Variants in ADAMTSL1 observed in about 807,000 individuals in gnomAD.
The protein encoded by ADAMTSL1 is ADAMTS like 1.
In ADAMTSL1, 126 loss-of-function variants were observed where a neutral mutation model predicts 201.8. The ratio of observed to expected loss-of-function variants is 0.62; its 90% confidence interval spans 0.54 to 0.72. The LOEUF (loss-of-function observed/expected upper bound fraction) is 0.72. Ranked by LOEUF, ADAMTSL1 falls within the 30% of genes least tolerant of loss-of-function variation. The pLI, the probability that ADAMTSL1 is intolerant of heterozygous loss-of-function variation, is 0.00. For missense variants in ADAMTSL1, 2,679 were observed against 2,277.8 expected, an observed-to-expected ratio of 1.18 and a Z score of -3.59; for synonymous variants, 1,121 against 903.4, an observed-to-expected ratio of 1.24 and a Z score of -4.32.
At chr9:18,242,459 G>A (rs1831108199) in intron 2 of ADAMTSL1, among the ~76,000 whole-genome samples, 1 of 152,086 alleles carries the variant, frequency 6.6e-6, no homozygotes, top group Admixed American at 6.5e-5. Context: ...ATGAAGCCAG[G>A]TTGTCTACTC....
chr9:18,679,560 A>C (rs118043767), intron 10 of ADAMTSL1, among the ~76,000 whole-genome samples: 1 of 152,176 alleles, frequency 6.6e-6, no homozygotes, highest in Admixed American at 6.5e-5. Context: ...TTACTTAACT[A>C]TATGTCTACT....
chr9:17,989,794 T>G (rs1819077283), intron 1 of ADAMTSL1, among the ~76,000 whole-genome samples: 1 of 151,978 alleles, frequency 6.6e-6, no homozygotes, highest in South Asian at 2.1e-4. Context: ...GACATTGACA[T>G]TTTAAGCCTT....
chr9:18,079,881 G>T (rs1823412464), intron 1 of ADAMTSL1, among the ~76,000 whole-genome samples: 1 of 152,204 alleles, frequency 6.6e-6, no homozygotes, highest in Non-Finnish European at 1.5e-5. Context: ...CAGAATCCCA[G>T]CTGGACAAAA....
intron 1 of ADAMTSL1, among the ~76,000 whole-genome samples, chr9:18,083,457 T>G (rs529654704): frequency 6.6e-6 from 1 of 152,360 alleles, no homozygotes; most frequent in East Asian, 1.9e-4. Flanking sequence ...CATGATTGAC[T>G]GTGGCATACA....
Position 17,943,401 on chromosome 9 carries a change from T to C in ADAMTSL1, c.87+36479T>C, listed in dbSNP as rs185457368. Among the ~76,000 whole-genome samples, 5 of 152,280 alleles carry C rather than the reference T, an allele frequency of 3.3e-5. No individual in the cohort carries two copies. The East Asian group carries it at 7.7e-4, about 24-fold the overall frequency. On this transcript the variant is annotated intron_variant, in intron 1 of 29. Transcript: ENST00000680146. ...AGAAGTATTGCTATTGGTTTTGAGA[T>C]GGGGTAAAGATCATTCTCACCTTAT...
At chr9:18,405,842 C>A (rs376984590) in intron 2 of ADAMTSL1, among the ~76,000 whole-genome samples, 1 of 152,024 alleles carries the variant, frequency 6.6e-6, no homozygotes, top group Non-Finnish European at 1.5e-5. Context: ...TTCACCTGAC[C>A]ATTTCATGGC....
intron 2 of ADAMTSL1, among the ~76,000 whole-genome samples, chr9:18,428,007 T>C (rs1819302697): frequency 6.6e-6 from 1 of 152,188 alleles, no homozygotes; most frequent in Non-Finnish European, 1.5e-5. Flanking sequence ...TGTCAGGCAG[T>C]TTGCCACCCT....
chr9:18,381,238 G>A (rs1057228268), intron 2 of ADAMTSL1, among the ~76,000 whole-genome samples: 2 of 152,126 alleles, frequency 1.3e-5, no homozygotes, highest in African/African-American at 4.8e-5. Flanking sequence ...TTTCCCTCAT[G>A]TTTAAAGTTT....
chr9:18,776,015 C>T, intron 18 of ADAMTSL1, 119 bp downstream of exon 18: 1 of 1,320,816 alleles, frequency 7.6e-7, no homozygotes, highest in Non-Finnish European at 1.0e-6. Flanking sequence ...ACAGTAGAAC[C>T]CCATGGAGGG....
intron 3 of ADAMTSL1, among the ~76,000 whole-genome samples, chr9:18,545,828 T>C (rs965638658): frequency 6.6e-6 from 1 of 152,210 alleles, no homozygotes; most frequent in Non-Finnish European, 1.5e-5. Context: ...CCCTACGGAA[T>C]GAAACCAAAT....
chr9:18,117,434 C>G (rs1002082596), intron 1 of ADAMTSL1, among the ~76,000 whole-genome samples: 2 of 152,248 alleles, frequency 1.3e-5, no homozygotes, highest in African/African-American at 2.4e-5. Flanking sequence ...CCTCAGAGCC[C>G]TTGCATTAGC....
chr9:18,213,088 T>C (rs1474413519), intron 2 of ADAMTSL1, among the ~76,000 whole-genome samples: 1 of 152,206 alleles, frequency 6.6e-6, no homozygotes, highest in Non-Finnish European at 1.5e-5. Flanking sequence ...GCAGAAATTC[T>C]CATGAACGCT....
At chr9:18,046,135 C>T (rs1246268584) in intron 1 of ADAMTSL1, among the ~76,000 whole-genome samples, 1 of 151,982 alleles carries the variant, frequency 6.6e-6, no homozygotes, top group Admixed American at 6.6e-5. Context: ...CAAGTTGAGG[C>T]TAAATTGTGA....
chr9:18,903,651 G>T (rs76500665), intron 26 of ADAMTSL1, among the ~76,000 whole-genome samples: 4,366 of 152,208 alleles, frequency 0.029, 123 homozygotes, highest in South Asian at 0.13. Context: ...TCCTTCTAAG[G>T]GGGTAGAGAC....
chr9:18,301,221 G>C (rs919794010), intron 2 of ADAMTSL1, among the ~76,000 whole-genome samples: 9 of 152,292 alleles, frequency 5.9e-5, no homozygotes, highest in African/African-American at 2.2e-4. Context: ...ATAAATTTCA[G>C]AGATGTTAAA....
chr9:18,117,034 C>A (rs1167196435), intron 1 of ADAMTSL1, among the ~76,000 whole-genome samples: 1 of 152,136 alleles, frequency 6.6e-6, no homozygotes, highest in Non-Finnish European at 1.5e-5. Context: ...TTTTCTCATA[C>A]ACCTCATCCA....
intron 7 of ADAMTSL1, among the ~76,000 whole-genome samples, chr9:18,647,278 T>C (rs944410531): frequency 2.1e-4 from 32 of 152,164 alleles, no homozygotes; most frequent in Non-Finnish European, 4.4e-4. Context: ...TCTTCTCTCT[T>C]TTTTTCTTTA....
At chr9:18,828,107 C>T (rs1275008361) in intron 22 of ADAMTSL1, among the ~76,000 whole-genome samples, 6 of 152,106 alleles carry the variant, frequency 3.9e-5, no homozygotes, top group Non-Finnish European at 8.8e-5. Flanking sequence ...TCATATAGTC[C>T]ATTGGACAGA....
intron 7 of ADAMTSL1, among the ~76,000 whole-genome samples, chr9:18,647,139 T>G (rs202210248): frequency 0.086 from 7,126 of 82,436 alleles, 216 homozygotes; most frequent in East Asian, 0.25. Flanking sequence ...GTCGAGGAAT[T>G]TACCATTTCT....
Sources: gnomAD v4.1 joint callset for allele counts (sites outside exome capture counted in the v4.1 genomes callset) on GRCh38, gnomAD v4.1.1 for gene constraint, MANE v1.5 for transcripts, NCBI Gene and HGNC (gene_info 2026-07-23, HGNC 2026-07-21) for gene names.